Variants in TENM2 observed in about 807,000 individuals in gnomAD.
The protein encoded by TENM2 is teneurin-2.
Under a neutral mutation model 245.2 loss-of-function variants are expected in TENM2, and 52 were observed. The observed-to-expected ratio is 0.21, with a 90% CI of 0.17 to 0.27. TENM2 has a LOEUF of 0.27. Ranked by LOEUF, TENM2 falls within the 10% of genes least tolerant of loss-of-function variation. TENM2 has a pLI of 1.00. For synonymous variants in TENM2, 1,363 were observed against 1,438.9 expected (o/e 0.95, Z 1.19); for missense variants, 3,046 against 3,666.8 (o/e 0.83, Z 4.37).
At chr5:167,304,611 T>A (rs1269726278) in intron 1 of TENM2, among the ~76,000 whole-genome samples, 1 of 152,224 alleles carries the variant, frequency 6.6e-6, no homozygotes, top group Non-Finnish European at 1.5e-5. Context: ...TTGTTTTCCA[T>A]AAGAAACTGT....
chr5:167,043,254 G>T, the TENM2 span, among the ~76,000 whole-genome samples: 2 of 152,176 alleles, frequency 1.3e-5, no homozygotes, highest in Non-Finnish European at 2.9e-5. Flanking sequence ...TGATTGAAAA[G>T]ATAGCTTTTT....
intron 2 of TENM2, among the ~76,000 whole-genome samples, chr5:167,841,356 C>T (rs1044061104): frequency 1.3e-5 from 2 of 152,166 alleles, no homozygotes; most frequent in Non-Finnish European, 1.5e-5. Flanking sequence ...CACACCCTGC[C>T]GTCATTCTCA....
At chr5:167,760,483 G>T (rs1427530976) in intron 2 of TENM2, among the ~76,000 whole-genome samples, 3 of 152,084 alleles carry the variant, frequency 2.0e-5, no homozygotes, top group Non-Finnish European at 2.9e-5. Flanking sequence ...TCTCCCACTT[G>T]TTCCCTTTCT....
intron 5 of TENM2, among the ~76,000 whole-genome samples, chr5:167,999,914 C>A (rs1337488223): frequency 6.6e-6 from 1 of 152,206 alleles, no homozygotes; most frequent in East Asian, 1.9e-4. Context: ...GCCAAGGAAA[C>A]AACAATGGTA....
At chr5:167,309,481 C>T (rs964229876) in intron 1 of TENM2, among the ~76,000 whole-genome samples, 30 of 152,244 alleles carry the variant, frequency 2.0e-4, no homozygotes, top group African/African-American at 6.7e-4. Flanking sequence ...ATAGAATAGA[C>T]GCAATCTCTC....
intron 2 of TENM2, among the ~76,000 whole-genome samples, chr5:167,553,991 A>G (rs1047558032): frequency 3.3e-5 from 5 of 152,196 alleles, no homozygotes; most frequent in African/African-American, 4.8e-5. Context: ...CAGGTCTCAC[A>G]ACATAATGGC....
In TENM2 at chr5:167,497,092, C is replaced by T. The variant is rs143954243; in HGVS notation, c.502+121619C>T. The stretch of plus-strand genomic sequence containing the variant: ...TGTTTTTCTCTGGCTAAATGGAGGA[C>T]CATGTTATGATATTAAAAGATCAGA... On this transcript the variant is annotated intron_variant, in intron 2 of 28. Coordinates refer to ENST00000518659, the Ensembl canonical transcript of TENM2. Among the ~76,000 whole-genome samples, 816 of 151,504 alleles carry T rather than the reference C, an allele frequency of 5.4e-3. 11 individuals carry two copies. The highest frequency in any genetic ancestry group is 0.018 in the African/African-American group (756 of 41,308).
chr5:168,168,681 CAAAAAA>C (rs36016365), intron 13 of TENM2, among the ~76,000 whole-genome samples: 23 of 128,048 alleles, frequency 1.8e-4, no homozygotes, highest in Non-Finnish European at 1.7e-4. Context: ...GACCCTGTCT[CAAAAAA>C]AAAAAAAAAA....
chr5:168,220,727 G>C (rs1424889877), intron 23 of TENM2, among the ~76,000 whole-genome samples: 2 of 152,166 alleles, frequency 1.3e-5, no homozygotes, highest in East Asian at 3.9e-4. Context: ...TGTCAGGGCA[G>C]TGTGGTCAAG....
intron 4 of TENM2, among the ~76,000 whole-genome samples, chr5:167,961,500 T>C (rs991547453): frequency 3.9e-5 from 6 of 152,030 alleles, no homozygotes; most frequent in African/African-American, 9.7e-5. Context: ...CTACTTAGAA[T>C]GGACTAGATG....
At chr5:168,213,303 C>T (rs58504619) in intron 20 of TENM2, among the ~76,000 whole-genome samples, 2,078 of 152,254 alleles carry the variant, frequency 0.014, 38 homozygotes, top group African/African-American at 0.044. Flanking sequence ...TGAAGAGAAA[C>T]GGGAATGAAA....
intron 2 of TENM2, among the ~76,000 whole-genome samples, chr5:167,460,025 T>G (rs569644423): frequency 6.6e-6 from 1 of 152,208 alleles, no homozygotes; most frequent in African/African-American, 2.4e-5. Context: ...TACGACACAT[T>G]GAGTGGAAGG....
chr5:167,681,228 A>C (rs565630564), intron 2 of TENM2, among the ~76,000 whole-genome samples: 3 of 152,304 alleles, frequency 2.0e-5, no homozygotes, highest in African/African-American at 7.2e-5. Flanking sequence ...GCACACGGAC[A>C]CACACATTGT....
chr5:167,450,198 A>T (rs1426287116), intron 2 of TENM2, among the ~76,000 whole-genome samples: 4 of 151,968 alleles, frequency 2.6e-5, no homozygotes, highest in African/African-American at 9.7e-5. Context: ...CAAAAAATGC[A>T]TGCTCATTTT....
chr5:168,121,815 A>G (rs1795487272), intron 10 of TENM2, among the ~76,000 whole-genome samples: 2 of 152,188 alleles, frequency 1.3e-5, no homozygotes, highest in Admixed American at 1.3e-4. Context: ...AATAAGCCAC[A>G]AGATATTTTT....
At chr5:168,240,381 G>A (rs1350048644) in intron 25 of TENM2, among the ~76,000 whole-genome samples, 1 of 152,178 alleles carries the variant, frequency 6.6e-6, no homozygotes, top group African/African-American at 2.4e-5. Flanking sequence ...CAATCCTAGA[G>A]GTGTACAACC....
intron 2 of TENM2, among the ~76,000 whole-genome samples, chr5:167,560,561 G>A (rs1262406628): frequency 6.6e-6 from 1 of 152,074 alleles, no homozygotes; most frequent in Non-Finnish European, 1.5e-5. Context: ...CTTCACAGCT[G>A]GGCAGTCTTG....
chr5:168,200,613 G>A (rs1022141726), intron 17 of TENM2, among the ~76,000 whole-genome samples: 4 of 152,220 alleles, frequency 2.6e-5, no homozygotes, highest in Non-Finnish European at 5.9e-5. Flanking sequence ...TCAGGGGCTA[G>A]TTCATTTTCC....
chr5:167,872,020 A>G (rs935279718), intron 2 of TENM2, among the ~76,000 whole-genome samples: 5 of 152,032 alleles, frequency 3.3e-5, no homozygotes, highest in Non-Finnish European at 7.4e-5. Flanking sequence ...CAGGGCTGGC[A>G]TGATGGTTCA....
Sources: allele counts gnomAD v4.1 joint callset (sites outside exome capture counted in the v4.1 genomes callset), GRCh38; gene constraint gnomAD v4.1.1; transcripts MANE v1.5; gene names NCBI Gene and HGNC (gene_info 2026-07-23, HGNC 2026-07-21).